SLC24A2: variants seen among roughly 807,000 people sequenced by gnomAD.
The protein encoded by SLC24A2 is solute carrier family 24 member 2, also known as sodium/potassium/calcium exchanger 2.
A neutral mutation model predicts 62.0 loss-of-function variants in SLC24A2; 36 were observed. The observed-to-expected ratio is 0.58, with a 90% CI of 0.44 to 0.77. The LOEUF (loss-of-function observed/expected upper bound fraction) is 0.77. Among genes scored for constraint, SLC24A2 ranks in the 30% least tolerant of loss-of-function variants. The pLI is 0.00. For synonymous variants in SLC24A2, 358 were observed against 294.0 expected, an observed-to-expected ratio of 1.22 and a Z score of -2.23; for missense variants, 846 against 817.9, an observed-to-expected ratio of 1.03 and a Z score of -0.42.
At chr9:19,916,492 T>C in the SLC24A2 span, among the ~76,000 whole-genome samples, 1 of 152,182 alleles carries the variant, frequency 6.6e-6, no homozygotes, top group Admixed American at 6.6e-5. Context: ...AAGGCAGATA[T>C]TGTCAACTCA....
chr9:19,780,872 CAAAAAAAAAA>C (rs373405657), intron 2 of SLC24A2, among the ~76,000 whole-genome samples: 1 of 36,254 alleles, frequency 2.8e-5, no homozygotes, highest in East Asian at 8.3e-4. Flanking sequence ...GACTCCGTCT[CAAAAAAAAAA>C]AAAAAAAAAA....
the SLC24A2 span, among the ~76,000 whole-genome samples, chr9:20,272,471 A>G: frequency 6.6e-6 from 1 of 152,156 alleles, no homozygotes; most frequent in East Asian, 1.9e-4. Flanking sequence ...GTAGTGTTCT[A>G]GACTCTACCC....
intron 2 of SLC24A2, among the ~76,000 whole-genome samples, chr9:19,722,997 A>G (rs191258750): frequency 1.7e-4 from 26 of 152,248 alleles, no homozygotes; most frequent in Admixed American, 1.4e-3. Flanking sequence ...TCTGCACTGC[A>G]ATAAGATTGT....
intron 8 of SLC24A2, among the ~76,000 whole-genome samples, chr9:19,546,569 G>C (rs1348393551): frequency 6.6e-6 from 1 of 152,170 alleles, no homozygotes; most frequent in Non-Finnish European, 1.5e-5. Context: ...GTTGACCTCA[G>C]ACTGTTGTGC....
chr9:20,207,417 G>A, the SLC24A2 span, among the ~76,000 whole-genome samples: 2 of 151,666 alleles, frequency 1.3e-5, no homozygotes, highest in Admixed American at 6.6e-5. Flanking sequence ...TTAGTACTCA[G>A]AGTTCATTCA....
the SLC24A2 span, among the ~76,000 whole-genome samples, chr9:19,859,645 C>A: frequency 2.0e-5 from 3 of 152,304 alleles, no homozygotes; most frequent in Middle Eastern, 3.4e-3. Flanking sequence ...ATCAGGTGAG[C>A]ACTCACAATA....
At chr9:20,072,895 C>T in the SLC24A2 span, among the ~76,000 whole-genome samples, 1 of 152,060 alleles carries the variant, frequency 6.6e-6, no homozygotes, top group African/African-American at 2.4e-5. Flanking sequence ...GACTTCAGAC[C>T]TCCAGAACTG....
chr9:19,780,126 A>G (rs1822969400), intron 2 of SLC24A2, among the ~76,000 whole-genome samples: 1 of 152,186 alleles, frequency 6.6e-6, no homozygotes, highest in Non-Finnish European at 1.5e-5. Context: ...TAGAGCTTAA[A>G]TTCTAGACTT....
At chr9:20,203,637 A>T in the SLC24A2 span, among the ~76,000 whole-genome samples, 2 of 152,132 alleles carry the variant, frequency 1.3e-5, no homozygotes, top group African/African-American at 4.8e-5. Context: ...TGGGGCCAAG[A>T]GTTCAAGACC....
the SLC24A2 span, among the ~76,000 whole-genome samples, chr9:20,117,996 C>T: frequency 1.3e-5 from 2 of 152,100 alleles, no homozygotes; most frequent in Non-Finnish European, 2.9e-5. Flanking sequence ...GGGCTCAAGT[C>T]TTACCACCTT....
chr9:19,699,109 T>G (rs1311131242), intron 2 of SLC24A2, among the ~76,000 whole-genome samples: 1 of 152,152 alleles, frequency 6.6e-6, no homozygotes, highest in African/African-American at 2.4e-5. Context: ...GTGCTGGCAG[T>G]TCCCAGACTC....
the SLC24A2 span, among the ~76,000 whole-genome samples, chr9:20,178,169 T>C: frequency 6.6e-6 from 1 of 152,138 alleles, no homozygotes; most frequent in Non-Finnish European, 1.5e-5. Context: ...CTGTTCAGAG[T>C]GAAACCATCT....
chr9:19,566,787 A>T (rs1835669229), intron 7 of SLC24A2, among the ~76,000 whole-genome samples: 1 of 152,260 alleles, frequency 6.6e-6, no homozygotes. Flanking sequence ...GCCATAAAAA[A>T]GGATGAGTTC....
chr9:20,193,762 G>C, the SLC24A2 span, among the ~76,000 whole-genome samples: 4 of 152,042 alleles, frequency 2.6e-5, no homozygotes, highest in Admixed American at 6.6e-5. Context: ...AGAATATTCT[G>C]TGTATCTACT....
chr9:19,902,452 T>G, the SLC24A2 span, among the ~76,000 whole-genome samples: 2 of 152,170 alleles, frequency 1.3e-5, no homozygotes, highest in African/African-American at 4.8e-5. Context: ...AGATAATCAG[T>G]AATCAGATAT....
chr9:19,527,301 G>A (rs1429388070), intron 9 of SLC24A2, among the ~76,000 whole-genome samples: 1 of 152,146 alleles, frequency 6.6e-6, no homozygotes, highest in East Asian at 1.9e-4. Context: ...CTACCTATGT[G>A]ATTTTGGGTA....
At chr9:20,010,577 T>C in the SLC24A2 span, among the ~76,000 whole-genome samples, 74 of 152,126 alleles carry the variant, frequency 4.9e-4, no homozygotes, top group Middle Eastern at 0.021. Context: ...TAGAGATAAA[T>C]ACAAAAACTG....
At chr9:20,066,950 T>C in the SLC24A2 span, among the ~76,000 whole-genome samples, 2 of 152,116 alleles carry the variant, frequency 1.3e-5, no homozygotes, top group Non-Finnish European at 2.9e-5. Flanking sequence ...ATTAAGGAAA[T>C]CATTCACATA....
At chr9:19,531,228 A>G (rs1389977010) in intron 8 of SLC24A2, among the ~76,000 whole-genome samples, 1 of 152,162 alleles carries the variant, frequency 6.6e-6, no homozygotes, top group Non-Finnish European at 1.5e-5. Flanking sequence ...ACCCCAGGTA[A>G]TCACTTCTTT....
Sources: allele counts gnomAD v4.1 joint callset (sites outside exome capture counted in the v4.1 genomes callset), GRCh38; gene constraint gnomAD v4.1.1; transcripts MANE v1.5; gene names NCBI Gene and HGNC (gene_info 2026-07-23, HGNC 2026-07-21).